Variants in PPP1R12A observed in about 807,000 individuals in gnomAD.
The protein encoded by PPP1R12A is protein phosphatase 1 regulatory subunit 12A.
PPP1R12A carries 19 observed loss-of-function variants against 139.6 expected under a neutral mutation model. That is an observed-to-expected ratio of 0.14 (90% CI 0.09 to 0.20). The LOEUF is 0.20. PPP1R12A is among the 10% of genes least tolerant of loss of function. The pLI is 1.00. For synonymous variants in PPP1R12A, 427 were observed against 420.6 expected, an observed-to-expected ratio of 1.02 and a Z score of -0.19; for missense variants, 925 against 1,211.5, an observed-to-expected ratio of 0.76 and a Z score of 3.51.
chr12:79,848,660 T>G (rs1879689317), intron 2 of PPP1R12A: 1 of 152,206 alleles, frequency 6.6e-6, no homozygotes, highest in Non-Finnish European at 1.5e-5. Context: ...TATGTATGTA[T>G]GTACTTATGC....
chr12:79,891,257 T>G (rs896074487), intron 1 of PPP1R12A, among the ~76,000 whole-genome samples: 12 of 152,194 alleles, frequency 7.9e-5, no homozygotes, highest in South Asian at 4.1e-4. Flanking sequence ...TATGGTTATC[T>G]TAACTAAATA....
intron 9 of PPP1R12A, among the ~76,000 whole-genome samples, chr12:79,816,726 C>A (rs1039682082): frequency 6.6e-5 from 10 of 152,102 alleles, no homozygotes; most frequent in African/African-American, 2.4e-4. Context: ...AGTTTACTGG[C>A]CAGGCTATCT....
At chr12:79,914,913 C>A (rs1254334339) in intron 1 of PPP1R12A, among the ~76,000 whole-genome samples, 1 of 151,916 alleles carries the variant, frequency 6.6e-6, no homozygotes, top group Non-Finnish European at 1.5e-5. Flanking sequence ...TAGAGAACTT[C>A]TTGAGTTGCA....
intron 12 of PPP1R12A, chr12:79,806,741 C>T (rs1873885768): frequency 5.9e-6 from 1 of 168,482 alleles, no homozygotes. Flanking sequence ...TAACCAATGC[C>T]TACATGATAC....
chr12:79,778,638 T>A lies in PPP1R12A; in HGVS notation c.2956-38A>T, dbSNP rs776119604. The A allele has an allele frequency of 2.4e-5, 32 of 1,335,256 alleles. No homozygotes were observed. The Admixed American group carries it at 6.9e-4, about 29-fold the overall frequency. 82.7% of individuals were successfully genotyped at this position (1,335,256 alleles called of 1,614,324 possible). On this transcript the variant is annotated intron_variant, in intron 23 of 24. Transcript: ENST00000450142. The stretch of plus-strand genomic sequence containing the variant: ...AAGGTACCAATGTTAGTTATATAAT[T>A]ATTATATTCTTAAGTCTTCTTCTAT...
chr12:79,799,421 A>G (rs1245218822), intron 14 of PPP1R12A, among the ~76,000 whole-genome samples: 3 of 152,170 alleles, frequency 2.0e-5, no homozygotes, highest in Non-Finnish European at 4.4e-5. Flanking sequence ...GGGTGTTGGG[A>G]TTAAAGGCGT....
At chr12:79,859,354 G>GAAAAAAAAA (rs1160349807) in intron 2 of PPP1R12A, among the ~76,000 whole-genome samples, 1 of 40,120 alleles carries the variant, frequency 2.5e-5, no homozygotes. Flanking sequence ...AAAAAAGAAA[G>GAAAAAAAAA]AAAAAAAAAA....
chr12:79,777,215 A>G (rs569383520), intron 24 of PPP1R12A: 2 of 925,878 alleles, frequency 2.2e-6, no homozygotes, highest in East Asian at 1.2e-4. Context: ...AGAACTGTAA[A>G]TAATAGTCAT....
At chr12:79,789,906 A>T (rs1237878945) in intron 20 of PPP1R12A, among the ~76,000 whole-genome samples, 2 of 151,820 alleles carry the variant, frequency 1.3e-5, no homozygotes, top group Non-Finnish European at 2.9e-5. Flanking sequence ...CAGCCTCCCC[A>T]GCAGCTAGAA....
chr12:79,892,461 T>G (rs1884743609), intron 1 of PPP1R12A, among the ~76,000 whole-genome samples: 1 of 152,204 alleles, frequency 6.6e-6, no homozygotes, highest in African/African-American at 2.4e-5. Flanking sequence ...AATATTTACT[T>G]TTGAGGAGAC....
intron 2 of PPP1R12A, among the ~76,000 whole-genome samples, chr12:79,847,251 T>A: frequency 6.6e-6 from 1 of 152,204 alleles, no homozygotes; most frequent in Non-Finnish European, 1.5e-5. Flanking sequence ...AAATGAAGTA[T>A]AATGTAACTC....
chr12:79,923,711 T>C (rs1332250296), intron 1 of PPP1R12A, among the ~76,000 whole-genome samples: 1 of 152,202 alleles, frequency 6.6e-6, no homozygotes, highest in Non-Finnish European at 1.5e-5. Context: ...AAAATTCACA[T>C]ACAACATTAA....
intron 2 of PPP1R12A, among the ~76,000 whole-genome samples, chr12:79,847,612 G>C (rs950769483): frequency 1.3e-5 from 2 of 151,870 alleles, no homozygotes; most frequent in Non-Finnish European, 2.9e-5. Flanking sequence ...GGAATATAAA[G>C]GTAAACAAAA....
intron 1 of PPP1R12A, among the ~76,000 whole-genome samples, chr12:79,874,311 T>C (rs1213836314): frequency 2.6e-5 from 4 of 152,040 alleles, no homozygotes; most frequent in African/African-American, 9.7e-5. Flanking sequence ...ACAGTATATT[T>C]GTTGCCAATG....
intron 5 of PPP1R12A, among the ~76,000 whole-genome samples, chr12:79,823,486 A>G (rs1876384368): frequency 6.6e-6 from 1 of 152,178 alleles, no homozygotes. Flanking sequence ...TTCAGAAAGG[A>G]GCTAATTTCC....
intron 1 of PPP1R12A, among the ~76,000 whole-genome samples, chr12:79,933,034 A>G (rs1165922975): frequency 2.0e-5 from 3 of 152,220 alleles, no homozygotes; most frequent in Non-Finnish European, 4.4e-5. Context: ...ATATAATTAC[A>G]TTATCATTTT....
In PPP1R12A at chr12:79,885,162, C is replaced by A. The variant is rs1399249197; in HGVS notation, c.238-12224G>T. Among the ~76,000 whole-genome samples, 7 of 152,204 alleles carry A rather than the reference C, an allele frequency of 4.6e-5. No individual in the cohort carries two copies. The East Asian group carries it at 1.2e-3, about 25-fold the overall frequency. On this transcript the variant is annotated intron_variant, in intron 1 of 24. Transcript: ENST00000450142. ...TAAAAGTACAAACTCTAGAGCCAGA[C>A]TGTCTGGAATTAATCCAGTTCTGCC...
At chr12:79,827,103 T>C (rs1220065456) in intron 5 of PPP1R12A, among the ~76,000 whole-genome samples, 1 of 152,216 alleles carries the variant, frequency 6.6e-6, no homozygotes, top group Non-Finnish European at 1.5e-5. Context: ...AGTATCAATA[T>C]TTATTTGTCT....
upstream of PPP1R12A, chr12:79,935,171 T>G (rs1888575449): frequency 1.5e-6 from 2 of 1,335,186 alleles, no homozygotes; most frequent in Non-Finnish European, 1.9e-6. Flanking sequence ...CGGCCACCCG[T>G]CACCGGCGGC....
Sources: allele counts gnomAD v4.1 joint callset (sites outside exome capture counted in the v4.1 genomes callset), GRCh38; gene constraint gnomAD v4.1.1; transcripts MANE v1.5; gene names NCBI Gene and HGNC (gene_info 2026-07-23, HGNC 2026-07-21).